The following LANCL3 variants were observed in gnomAD, a reference collection of about 807,000 sequenced individuals.
LANCL3 encodes lanC-like protein 3.
Under a neutral mutation model 26.5 loss-of-function variants are expected in LANCL3, and 19 were observed. That is an observed-to-expected ratio of 0.72 (90% confidence interval 0.50 to 1.05). The LOEUF (loss-of-function observed/expected upper bound fraction) is 1.05. Ranked by LOEUF, LANCL3 falls within the 50% of genes least tolerant of loss-of-function variation. The pLI, the probability that LANCL3 is intolerant of heterozygous loss-of-function variation, is 0.00. For missense variants in LANCL3, 318 were observed against 362.7 expected (o/e 0.88, Z 1.00); for synonymous variants, 160 against 166.6 (o/e 0.96, Z 0.30).
At position 37,675,642 on chromosome X, in the gene LANCL3, T is replaced by A. The variant is rs1466200975; in HGVS notation, c.1104-12T>A. 9.2e-7 allele frequency: 1 copy of A among 1,089,332 alleles called. No individual in the cohort carries two copies. The allele number at this position is 1,089,332 out of a possible 1,213,427, so 89.8% of individuals were successfully genotyped here. The stretch of plus-strand genomic sequence containing the variant: ...CTCATGTTAAACTGTTCATATTTTC[T>A]TCTTCTCTTAGGTTTGCTCAATTCT... On this transcript the variant is annotated splice_polypyrimidine_tract_variant and intron_variant, in intron 4 of 4. Coordinates refer to ENST00000378619, the MANE Select transcript of LANCL3 (RefSeq NM_001170331.2).
chrX:37,668,501 C>G (rs182692169), intron 4 of LANCL3: 4 of 310,514 alleles, frequency 1.3e-5, no homozygotes, highest in African/African-American at 8.3e-5. Flanking sequence ...TCTAAATAAT[C>G]TGATAGAAAG....
rs1361455728 is a variant in LANCL3, at chrX:37,646,956, A to G, written c.574-8732A>G. Among the ~76,000 whole-genome samples the G allele has an allele frequency of 4.5e-5, 5 of 111,777 alleles. No individual in the cohort carries two copies. In the East Asian group the frequency reaches 1.4e-3, roughly 31 times the overall value. On this transcript the variant is annotated intron_variant, in intron 1 of 4. Transcript: ENST00000378619. ...CCCACCTTGAACAGCTTGTATCTCC[A>G]TCCTGAGTTTATTCGGAACTATCCT...
chrX:37,623,423 A>G (rs1463079564), intron 1 of LANCL3, among the ~76,000 whole-genome samples: 6 of 111,222 alleles, frequency 5.4e-5, no homozygotes, highest in Admixed American at 9.5e-5. Context: ...TAGCTGAAAA[A>G]CTGTCATTAG....
chrX:37,603,617 T>A (rs942847630), intron 1 of LANCL3, among the ~76,000 whole-genome samples: 8 of 112,583 alleles, frequency 7.1e-5, no homozygotes, highest in Non-Finnish European at 1.5e-4. Context: ...CATTTTAAGA[T>A]CTACATTCTC....
At chrX:37,663,854 C>G (rs1292572921) in intron 3 of LANCL3, among the ~76,000 whole-genome samples, 6 of 111,433 alleles carry the variant, frequency 5.4e-5, no homozygotes, top group Admixed American at 4.8e-4. Context: ...CAAGAGGAAC[C>G]TGTAAGGGAG....
chrX:37,631,523 A>G (rs1378219036), intron 1 of LANCL3, among the ~76,000 whole-genome samples: 1 of 110,628 alleles, frequency 9.0e-6, no homozygotes, highest in African/African-American at 3.3e-5. Flanking sequence ...TTGCTTTTCT[A>G]GTTCTTTTTA....
chrX:37,659,426 A>G lies in LANCL3; in HGVS notation c.698-36A>G, dbSNP rs782006709. 17 of 1,067,011 alleles carry G rather than the reference A, an allele frequency of 1.6e-5. No individual in the cohort carries two copies. The East Asian group carries it at 4.5e-4, about 28-fold the overall frequency. The allele number at this position is 1,067,011 out of a possible 1,213,427, so 87.9% of individuals were successfully genotyped here. A position where few individuals can be genotyped will look rare whatever the true frequency, so the allele number is the denominator to read the frequency against. On this transcript the variant is annotated intron_variant, in intron 2 of 4. Transcript: ENST00000378619. The stretch of plus-strand genomic sequence containing the variant: ...ACTAAATCAAACTAGCTGTCCTCCC[A>G]ATTGTGTGAATTTTATGCCTTGTTT...
chrX:37,587,257 G>A (rs2146714489), intron 1 of LANCL3, among the ~76,000 whole-genome samples: 1 of 112,877 alleles, frequency 8.9e-6, no homozygotes, highest in East Asian at 2.8e-4. Flanking sequence ...ACCCACTTGA[G>A]GAGGCAGTCT....
At position 37,659,406 on chromosome X, in the gene LANCL3, A is replaced by G; in HGVS notation, c.698-56A>G. ...TATATCCTGTTGATCTTTTCACTAA[A>G]TCAAACTAGCTGTCCTCCCAATTGT... On this transcript the variant is annotated intron_variant, in intron 2 of 4. Coordinates refer to ENST00000378619, the MANE Select transcript of LANCL3 (RefSeq NM_001170331.2). 3.2e-6 allele frequency: 3 copies of G among 924,345 alleles called. No individual in the cohort carries two copies. In the Admixed American group the frequency reaches 7.0e-5, roughly 22 times the overall value. 76.2% of individuals were successfully genotyped at this position (924,345 alleles called of 1,213,427 possible).
chrX:37,610,977 G>A (rs1442406800), intron 1 of LANCL3, among the ~76,000 whole-genome samples: 1 of 111,972 alleles, frequency 8.9e-6, no homozygotes, highest in East Asian at 2.8e-4. Context: ...GGGCAGGGAG[G>A]AAAGCCAATA....
At chrX:37,660,925 A>G (rs1926402872) in intron 3 of LANCL3, among the ~76,000 whole-genome samples, 1 of 109,317 alleles carries the variant, frequency 9.1e-6, no homozygotes, top group African/African-American at 3.4e-5. Flanking sequence ...ACCAGTATCC[A>G]TGCATTGTGT....
chrX:37,594,864 T>C (rs1924382171), intron 1 of LANCL3, among the ~76,000 whole-genome samples: 1 of 111,423 alleles, frequency 9.0e-6, no homozygotes, highest in Non-Finnish European at 1.9e-5. Flanking sequence ...TTAGAAGTCC[T>C]GAATAGAACA....
chrX:37,644,529 C>T (rs927482060), intron 1 of LANCL3, among the ~76,000 whole-genome samples: 6 of 111,506 alleles, frequency 5.4e-5, no homozygotes, highest in African/African-American at 1.6e-4. Flanking sequence ...CATTAGCTTC[C>T]CACAATGTGC....
chrX:37,651,362 G>A (rs372005311), intron 1 of LANCL3, among the ~76,000 whole-genome samples: 6 of 111,593 alleles, frequency 5.4e-5, no homozygotes, highest in East Asian at 2.8e-4. Flanking sequence ...TTATCTGTGC[G>A]GTTATGCCTT....
intron 1 of LANCL3, among the ~76,000 whole-genome samples, chrX:37,585,604 G>A (rs782582379): frequency 9.0e-6 from 1 of 111,579 alleles, no homozygotes; most frequent in African/African-American, 3.3e-5. Context: ...TTTTATCAGA[G>A]ACTAGGAATG....
At chrX:37,579,963 T>C (rs1923853532) in intron 1 of LANCL3, among the ~76,000 whole-genome samples, 1 of 111,940 alleles carries the variant, frequency 8.9e-6, no homozygotes, top group African/African-American at 3.2e-5. Flanking sequence ...CTGACGAGTA[T>C]AAAATTAGGA....
Position 37,572,037 on chromosome X carries a change from CG to C in LANCL3, c.172del (p.Ala58LeufsTer136). ...GGGAEARGAT[A>X]GASACQGGLY... ...GGCGCGGAGGCCCGAGGGGCGACGG[CG>C]GGGGCTAGCGCCTGCCAGGGGGGGC... On this transcript the variant is annotated frameshift_variant, in exon 1 of 5. Transcript: ENST00000378619. LOFTEE classifies it high-confidence loss of function. 1 of 1,178,435 alleles carries C rather than the reference CG, an allele frequency of 8.5e-7. No individual in the cohort carries two copies. The highest frequency in any genetic ancestry group is 3.1e-5 in the East Asian group (1 of 32,481).
At chrX:37,608,097 A>G (rs1159078828) in intron 1 of LANCL3, among the ~76,000 whole-genome samples, 2 of 112,163 alleles carry the variant, frequency 1.8e-5, no homozygotes, top group East Asian at 2.8e-4. Flanking sequence ...GTTGCTTCCT[A>G]GAACTAGTAA....
chrX:37,624,664 C>A (rs1190062329), intron 1 of LANCL3, among the ~76,000 whole-genome samples: 2 of 111,979 alleles, frequency 1.8e-5, no homozygotes, highest in African/African-American at 6.5e-5. Flanking sequence ...TAGTGTCAGA[C>A]ACATTTATTT....
Sources: gnomAD v4.1 joint callset for allele counts (sites outside exome capture counted in the v4.1 genomes callset) on GRCh38, gnomAD v4.1.1 for gene constraint, MANE v1.5 for transcripts, NCBI Gene and HGNC (gene_info 2026-07-23, HGNC 2026-07-21) for gene names.